BRD10: variants seen among roughly 807,000 people sequenced by gnomAD.
BRD10 encodes the protein uncharacterized bromodomain-containing protein 10.
chr9:5,913,390 A>G, the BRD10 span, among the ~76,000 whole-genome samples: 7 of 152,226 alleles, frequency 4.6e-5, no homozygotes, highest in African/African-American at 1.7e-4. Flanking sequence ...AAATCTGTCA[A>G]TCTCAAGTAA....
At chr9:5,938,327 A>T in the BRD10 span, among the ~76,000 whole-genome samples, 1 of 151,806 alleles carries the variant, frequency 6.6e-6, no homozygotes, top group African/African-American at 2.4e-5. Flanking sequence ...CTTTAGTCCC[A>T]GCTTCTCTCA....
chr9:5,993,321 A>AAC, the BRD10 span, among the ~76,000 whole-genome samples: 1 of 30,132 alleles, frequency 3.3e-5, no homozygotes, highest in African/African-American at 6.1e-5. Flanking sequence ...TTAAAAAAAA[A>AAC]AAAAAAAAAA....
chr9:5,954,172 C>G, the BRD10 span: 2 of 766,768 alleles, frequency 2.6e-6, no homozygotes, highest in Non-Finnish European at 4.4e-6. Context: ...TACGCAGATC[C>G]TTGAAAGTTA....
At chr9:5,924,750 T>A in the BRD10 span, 4 of 1,607,290 alleles carry the variant, frequency 2.5e-6, no homozygotes, top group African/African-American at 4.0e-5. Flanking sequence ...TTTTCCAAGA[T>A]CTCCTTCACC....
At chr9:5,922,599 C>T in the BRD10 span, 2 of 1,613,824 alleles carry the variant, frequency 1.2e-6, no homozygotes, top group African/African-American at 2.7e-5. Flanking sequence ...CAATGTTGTT[C>T]TGTACCTTTC....
chr9:5,985,432 T>C, the BRD10 span, among the ~76,000 whole-genome samples: 29 of 152,264 alleles, frequency 1.9e-4, no homozygotes, highest in African/African-American at 7.0e-4. Context: ...ATGAAGGCCA[T>C]GGACTGAGAA....
the BRD10 span, among the ~76,000 whole-genome samples, chr9:5,954,314 T>C: frequency 3.9e-4 from 60 of 152,250 alleles, 3 homozygotes; most frequent in Admixed American, 2.0e-4. Flanking sequence ...TTTATGTTTA[T>C]ATGAACTGAA....
chr9:5,924,522 A>G, the BRD10 span: 1 of 483,334 alleles, frequency 2.1e-6, no homozygotes, highest in African/African-American at 1.9e-5. Flanking sequence ...AAGGATGTGG[A>G]CACTACTTCT....
chr9:5,951,258 A>G, the BRD10 span, among the ~76,000 whole-genome samples: 4 of 152,166 alleles, frequency 2.6e-5, no homozygotes, highest in Non-Finnish European at 5.9e-5. Flanking sequence ...GCTTTAAAAA[A>G]AGTCAACAAA....
chr9:5,879,667 C>A, the BRD10 span, among the ~76,000 whole-genome samples: 1 of 152,140 alleles, frequency 6.6e-6, no homozygotes, highest in African/African-American at 2.4e-5. Context: ...CAAGCAGACA[C>A]TGGGCTGGAC....
the BRD10 span, chr9:5,921,441 T>G: frequency 6.2e-7 from 1 of 1,613,902 alleles, no homozygotes; most frequent in Non-Finnish European, 8.5e-7. Context: ...AGAGTTGGGG[T>G]TGATGTACCA....
chr9:5,913,756 T>C, the BRD10 span: 2 of 186,426 alleles, frequency 1.1e-5, no homozygotes, highest in South Asian at 1.8e-4. Context: ...AATACATTGA[T>C]GCTGTTAAAT....
the BRD10 span, among the ~76,000 whole-genome samples, chr9:5,935,708 G>C: frequency 6.6e-6 from 1 of 152,174 alleles, no homozygotes; most frequent in Non-Finnish European, 1.5e-5. Context: ...GGCATAAAAA[G>C]TTCCAAGTAA....
the BRD10 span, chr9:6,008,273 C>A: frequency 5.1e-6 from 5 of 984,528 alleles, no homozygotes; most frequent in Non-Finnish European, 6.0e-6. Context: ...CCTCCCGCCC[C>A]CCTCTACCTG....
At chr9:5,901,052 A>G in the BRD10 span, among the ~76,000 whole-genome samples, 3 of 152,288 alleles carry the variant, frequency 2.0e-5, no homozygotes, top group Non-Finnish European at 4.4e-5. Context: ...ATGTACACCC[A>G]GTTTTAATGT....
the BRD10 span, among the ~76,000 whole-genome samples, chr9:5,886,048 G>A: frequency 7.2e-5 from 11 of 152,214 alleles, no homozygotes; most frequent in East Asian, 5.8e-4. Context: ...CATGGCTAGC[G>A]GGGACCGAAA....
the BRD10 span, chr9:5,923,350 G>A: frequency 1.4e-6 from 2 of 1,424,940 alleles, no homozygotes; most frequent in Non-Finnish European, 1.9e-6. Flanking sequence ...ATATAAAACA[G>A]CAACTAAATA....
the BRD10 span, among the ~76,000 whole-genome samples, chr9:5,890,239 C>T: frequency 1.3e-5 from 2 of 152,148 alleles, no homozygotes; most frequent in Non-Finnish European, 2.9e-5. Context: ...ATGACATGGG[C>T]ACCTTACCTA....
chr9:5,998,243 G>C, the BRD10 span, among the ~76,000 whole-genome samples: 1 of 151,868 alleles, frequency 6.6e-6, no homozygotes, highest in African/African-American at 2.4e-5. Flanking sequence ...GGTGAAAGAG[G>C]GAGATTTTCT....
Sources: allele counts gnomAD v4.1 joint callset (sites outside exome capture counted in the v4.1 genomes callset), GRCh38; gene constraint gnomAD v4.1.1; transcripts MANE v1.5; gene names NCBI Gene and HGNC (gene_info 2026-07-23, HGNC 2026-07-21).